UCK2: variants seen among roughly 807,000 people sequenced by gnomAD.
UCK2 encodes the protein uridine-cytidine kinase 2, also known as cytidine monophosphokinase 2.
A neutral mutation model predicts 30.8 loss-of-function variants in UCK2; 6 were observed. That is an observed-to-expected ratio of 0.19 (90% CI 0.11 to 0.38). The LOEUF (loss-of-function observed/expected upper bound fraction) is 0.38. Ranked by LOEUF, UCK2 falls within the 10% of genes least tolerant of loss-of-function variation. The pLI is 1.00. For synonymous variants in UCK2, 125 were observed against 133.6 expected (o/e 0.94, Z 0.45); for missense variants, 210 against 339.8 (o/e 0.62, Z 3.00).
intron 1 of UCK2, among the ~76,000 whole-genome samples, chr1:165,852,815 G>A (rs539497534): frequency 7.7e-4 from 118 of 152,284 alleles, no homozygotes; most frequent in Middle Eastern, 3.4e-3. Context: ...TGGGTATGTG[G>A]ACAAACGGTG....
chr1:165,859,864 G>A (rs1654850719), intron 1 of UCK2, among the ~76,000 whole-genome samples: 1 of 152,068 alleles, frequency 6.6e-6, no homozygotes, highest in Admixed American at 6.5e-5. Flanking sequence ...TCAACTCTGG[G>A]GAAGAAGCTC....
chr1:165,873,435 A>G (rs1387949058), intron 1 of UCK2, among the ~76,000 whole-genome samples: 1 of 152,230 alleles, frequency 6.6e-6, no homozygotes, highest in Non-Finnish European at 1.5e-5. Context: ...GGACTTAGCC[A>G]ATCATTTCTG....
chr1:165,857,538 G>A (rs1232728111), intron 1 of UCK2, among the ~76,000 whole-genome samples: 5 of 152,188 alleles, frequency 3.3e-5, no homozygotes, highest in Non-Finnish European at 7.3e-5. Context: ...GGTAATGACT[G>A]AGCTGGAGCT....
intron 3 of UCK2, among the ~76,000 whole-genome samples, chr1:165,893,731 T>C (rs1338971356): frequency 6.6e-6 from 1 of 152,224 alleles, no homozygotes; most frequent in Admixed American, 6.5e-5. Context: ...GGGCTAGTAG[T>C]TGCTCAATAA....
intron 1 of UCK2, among the ~76,000 whole-genome samples, chr1:165,879,220 A>C (rs181186315): frequency 6.6e-6 from 1 of 152,302 alleles, no homozygotes; most frequent in Admixed American, 6.5e-5. Context: ...TTTGGATAAC[A>C]ACCTCTTATC....
At chr1:165,899,917 G>A (rs185898891) in intron 4 of UCK2, among the ~76,000 whole-genome samples, 4 of 152,290 alleles carry the variant, frequency 2.6e-5, no homozygotes, top group Admixed American at 1.3e-4. Flanking sequence ...GGTGGGCAAG[G>A]CCTTATGATG....
intron 1 of UCK2, among the ~76,000 whole-genome samples, chr1:165,884,918 A>AC (rs1655582507): frequency 6.6e-6 from 1 of 152,158 alleles, no homozygotes; most frequent in Non-Finnish European, 1.5e-5. Context: ...TGTCTAGTGG[A>AC]CCCTGGCTCC....
rs1655766125 is a variant in UCK2 at position 165,891,446 on chromosome 1, A to G, written c.356+124A>G. On this transcript the variant is annotated intron_variant, in intron 3 of 6. Transcript: ENST00000367879. The stretch of plus-strand genomic sequence containing the variant: ...CTCTGTCCTACCCCTGCCTAATGCC[A>G]TTCCAGCTGGTCAGTGGAGTGGGTG... The G allele has an allele frequency of 4.8e-6, 4 of 826,730 alleles. No individual in the cohort carries two copies. The East Asian group carries it at 8.0e-5, about 17-fold the overall frequency. 51.2% of individuals were successfully genotyped at this position (826,730 alleles called of 1,614,324 possible).
At chr1:165,855,764 G>A (rs908383023) in intron 1 of UCK2, among the ~76,000 whole-genome samples, 2 of 152,188 alleles carry the variant, frequency 1.3e-5, no homozygotes, top group African/African-American at 4.8e-5. Flanking sequence ...TGGATGTGGG[G>A]TGGGGACGTG....
chr1:165,911,583 A>G lies in UCK2; in HGVS notation c.*3760A>G, dbSNP rs1647860536. 6.6e-6 allele frequency: 1 copy of G among 152,100 alleles called. No homozygotes were observed. The highest frequency in any genetic ancestry group is 1.5e-5 in the Non-Finnish European group (1 of 68,006). The allele number at this position is 152,100 out of a possible 1,614,324, so 9.4% of individuals were successfully genotyped here. A position where few individuals can be genotyped will look rare whatever the true frequency, so the allele number is the denominator to read the frequency against. On this transcript the variant is annotated 3_prime_UTR_variant, in exon 7 of 7. Transcript: ENST00000367879. The stretch of plus-strand genomic sequence containing the variant: ...AGTGGTTACAAAGTGACCACATATT[A>G]TGTACTTTGCTGTAAATAAAGACAG...
intron 1 of UCK2, among the ~76,000 whole-genome samples, chr1:165,831,032 T>C (rs959929261): frequency 6.6e-6 from 1 of 152,058 alleles, no homozygotes; most frequent in Non-Finnish European, 1.5e-5. Context: ...TGCTTGAGTA[T>C]GGGAGGTCGA....
At chr1:165,880,634 C>A (rs1655471628) in intron 1 of UCK2, among the ~76,000 whole-genome samples, 2 of 148,532 alleles carry the variant, frequency 1.3e-5, no homozygotes, top group Admixed American at 6.7e-5. Flanking sequence ...TGTGTTTGTC[C>A]TGTGGGGACA....
At chr1:165,896,849 C>G (rs969532554) in intron 4 of UCK2, among the ~76,000 whole-genome samples, 1 of 152,184 alleles carries the variant, frequency 6.6e-6, no homozygotes, top group Admixed American at 6.5e-5. Context: ...GTCAGCTGTG[C>G]CCTCCGCAGG....
chr1:165,859,670 A>G (rs1428666203), intron 1 of UCK2, among the ~76,000 whole-genome samples: 1 of 152,072 alleles, frequency 6.6e-6, no homozygotes, highest in Admixed American at 6.5e-5. Context: ...AAAAAAACCC[A>G]CAAAAAATTA....
intron 1 of UCK2, among the ~76,000 whole-genome samples, chr1:165,876,398 A>T (rs1655337981): frequency 6.6e-6 from 1 of 152,210 alleles, no homozygotes; most frequent in African/African-American, 2.4e-5. Context: ...ATTAACCAGG[A>T]TATTTGATTA....
intron 1 of UCK2, among the ~76,000 whole-genome samples, chr1:165,868,499 G>T (rs1010787146): frequency 2.6e-5 from 4 of 152,152 alleles, no homozygotes; most frequent in Admixed American, 6.5e-5. Context: ...AGATCTTCTG[G>T]ATAACTTGCT....
At chr1:165,874,400 G>T (rs1327873865) in intron 1 of UCK2, among the ~76,000 whole-genome samples, 2 of 152,178 alleles carry the variant, frequency 1.3e-5, no homozygotes, top group Non-Finnish European at 2.9e-5. Flanking sequence ...GTACAGAGCC[G>T]TCCAGTGGCA....
chr1:165,829,216 A>C (rs1653978975), intron 1 of UCK2, among the ~76,000 whole-genome samples: 1 of 152,192 alleles, frequency 6.6e-6, no homozygotes, highest in African/African-American at 2.4e-5. Context: ...GGCCTGCTTT[A>C]GGTCCTGAAG....
At chr1:165,846,030 G>A (rs936085780) in intron 1 of UCK2, among the ~76,000 whole-genome samples, 2 of 152,138 alleles carry the variant, frequency 1.3e-5, no homozygotes, top group African/African-American at 4.8e-5. Context: ...AGTGGCTCAT[G>A]CTTGTAATTC....
Sources: allele counts gnomAD v4.1 joint callset (sites outside exome capture counted in the v4.1 genomes callset), GRCh38; gene constraint gnomAD v4.1.1; transcripts MANE v1.5; gene names NCBI Gene and HGNC (gene_info 2026-07-23, HGNC 2026-07-21).